Variants in SPMIP2 observed in about 807,000 individuals in gnomAD.
SPMIP2 encodes the protein protein SPMIP2.
chr4:158,914,257 T>G, the SPMIP2 span, among the ~76,000 whole-genome samples: 1 of 152,192 alleles, frequency 6.6e-6, no homozygotes, highest in African/African-American at 2.4e-5. Flanking sequence ...AAATGTTAGA[T>G]GTCGAACTGT....
At chr4:158,918,778 A>T in the SPMIP2 span, among the ~76,000 whole-genome samples, 1 of 152,192 alleles carries the variant, frequency 6.6e-6, no homozygotes, top group Non-Finnish European at 1.5e-5. Flanking sequence ...GATGGGACCC[A>T]AAGTCTAAAG....
At chr4:159,024,869 C>T in the SPMIP2 span, among the ~76,000 whole-genome samples, 1 of 152,176 alleles carries the variant, frequency 6.6e-6, no homozygotes, top group Admixed American at 6.5e-5. Context: ...CATTAGTTTA[C>T]TTATATTGCT....
the SPMIP2 span, among the ~76,000 whole-genome samples, chr4:158,990,290 T>C: frequency 5.3e-5 from 8 of 152,326 alleles, no homozygotes; most frequent in African/African-American, 1.9e-4. Flanking sequence ...GAGTGTAAAT[T>C]AGTTCAACTA....
chr4:158,911,380 A>AAATAAATAAATAAATAAATAAAT, the SPMIP2 span, among the ~76,000 whole-genome samples: 2 of 135,392 alleles, frequency 1.5e-5, no homozygotes, highest in African/African-American at 6.7e-5. Flanking sequence ...ATAAATAAAT[A>AAATAAATAAATAAATAAATAAAT]AATAAAATAA....
At chr4:159,015,109 C>T in the SPMIP2 span, among the ~76,000 whole-genome samples, 26,744 of 152,180 alleles carry the variant, frequency 0.18, 3,111 homozygotes, top group Non-Finnish European at 0.26. Context: ...TTAACAATAT[C>T]GTCAGATGTT....
At chr4:159,066,787 G>C in the SPMIP2 span, among the ~76,000 whole-genome samples, 1 of 151,890 alleles carries the variant, frequency 6.6e-6, no homozygotes, top group Non-Finnish European at 1.5e-5. Flanking sequence ...TTTATACCAG[G>C]GGTTGGCAAA....
the SPMIP2 span, among the ~76,000 whole-genome samples, chr4:159,077,642 A>T: frequency 1.3e-5 from 2 of 152,190 alleles, no homozygotes; most frequent in Admixed American, 6.5e-5. Flanking sequence ...CACTTTTAAA[A>T]TTTATTGAAA....
At chr4:158,921,789 G>A in the SPMIP2 span, among the ~76,000 whole-genome samples, 1 of 152,186 alleles carries the variant, frequency 6.6e-6, no homozygotes, top group East Asian at 1.9e-4. Context: ...TTGCTATAGG[G>A]GTGACAGTGT....
the SPMIP2 span, among the ~76,000 whole-genome samples, chr4:158,919,912 C>A: frequency 3.3e-5 from 5 of 152,082 alleles, no homozygotes; most frequent in Non-Finnish European, 7.3e-5. Context: ...CTTTTCCCAC[C>A]CCAGCCCTGG....
chr4:158,962,347 T>C, the SPMIP2 span, among the ~76,000 whole-genome samples: 10 of 152,152 alleles, frequency 6.6e-5, no homozygotes, highest in Non-Finnish European at 4.4e-5. Flanking sequence ...GTTTTCTTAG[T>C]ATATCCAATT....
chr4:158,937,968 C>T, the SPMIP2 span, among the ~76,000 whole-genome samples: 2 of 152,148 alleles, frequency 1.3e-5, no homozygotes, highest in Non-Finnish European at 2.9e-5. Context: ...TTTCCTCCCT[C>T]CCAAGACAGC....
chr4:159,007,341 A>T, the SPMIP2 span: 51 of 711,250 alleles, frequency 7.2e-5, no homozygotes, highest in Non-Finnish European at 1.1e-4. Context: ...CCACCCAAGG[A>T]TGATGAGATG....
chr4:158,992,384 T>G, the SPMIP2 span, among the ~76,000 whole-genome samples: 3 of 152,230 alleles, frequency 2.0e-5, no homozygotes, highest in Non-Finnish European at 4.4e-5. Context: ...ATAAACTATT[T>G]ACAATTACAT....
At chr4:158,981,282 T>G in the SPMIP2 span, among the ~76,000 whole-genome samples, 2 of 152,222 alleles carry the variant, frequency 1.3e-5, no homozygotes, top group South Asian at 2.1e-4. Context: ...AAAACACTCT[T>G]CAGGATATTA....
chr4:158,926,121 T>C, the SPMIP2 span, among the ~76,000 whole-genome samples: 2 of 152,216 alleles, frequency 1.3e-5, no homozygotes, highest in South Asian at 4.1e-4. Context: ...TCACTAATGT[T>C]TTGTCAATTA....
chr4:159,011,022 T>C, the SPMIP2 span, among the ~76,000 whole-genome samples: 1 of 152,144 alleles, frequency 6.6e-6, no homozygotes, highest in Non-Finnish European at 1.5e-5. Flanking sequence ...TCTCTCTTTG[T>C]ATAAAATCCT....
At chr4:159,063,728 G>A in the SPMIP2 span, among the ~76,000 whole-genome samples, 72 of 152,108 alleles carry the variant, frequency 4.7e-4, 1 homozygote, top group Non-Finnish European at 9.3e-4. Context: ...TTTGGTATTT[G>A]TAATTTATCA....
At chr4:159,014,597 C>T in the SPMIP2 span, among the ~76,000 whole-genome samples, 2 of 152,166 alleles carry the variant, frequency 1.3e-5, no homozygotes, top group Non-Finnish European at 2.9e-5. Context: ...TTTAAACACA[C>T]ACACCATGCT....
chr4:159,067,568 T>C, the SPMIP2 span, among the ~76,000 whole-genome samples: 1 of 152,246 alleles, frequency 6.6e-6, no homozygotes, highest in South Asian at 2.1e-4. Context: ...ACAAAAGTAA[T>C]TGAAATTAAG....
Sources: gnomAD v4.1 joint callset for allele counts (sites outside exome capture counted in the v4.1 genomes callset) on GRCh38, gnomAD v4.1.1 for gene constraint, MANE v1.5 for transcripts, NCBI Gene and HGNC (gene_info 2026-07-23, HGNC 2026-07-21) for gene names.